Variants in ADGRF4 observed in about 807,000 individuals in gnomAD.
ADGRF4 encodes the protein adhesion G protein-coupled receptor F4.
In ADGRF4, 63 loss-of-function variants were observed where a neutral mutation model predicts 58.5. The observed-to-expected ratio is 1.08, with a 90% CI of 0.88 to 1.33. The LOEUF (loss-of-function observed/expected upper bound fraction) is 1.33. Among genes scored for constraint, ADGRF4 ranks in the 40% most tolerant of loss-of-function variants. ADGRF4 has a pLI of 0.00. For missense variants in ADGRF4, 931 were observed against 843.9 expected (o/e 1.10, Z -1.28); for synonymous variants, 313 against 295.4 (o/e 1.06, Z -0.61).
intron 9 of ADGRF4, among the ~76,000 whole-genome samples, chr6:47,720,177 G>A (rs989951908): frequency 6.6e-6 from 1 of 152,136 alleles, no homozygotes; most frequent in African/African-American, 2.4e-5. Context: ...CCAGAGTGGA[G>A]GGTGGCAGCA....
At chr6:47,708,157 C>T in intron 2 of ADGRF4, 67 bp from the exon 3 acceptor site, 1 of 1,180,856 alleles carries the variant, frequency 8.5e-7, no homozygotes, top group Non-Finnish European at 1.3e-6. Flanking sequence ...CATATGGAGC[C>T]TCTAAGCTGA....
In ADGRF4 at chr6:47,715,625, C is replaced by A. The variant is rs891866348; in HGVS notation, c.1932+448C>A. The A allele has an allele frequency of 3.9e-5, 6 of 155,546 alleles. 1 individual carries two copies. Among genetic ancestry groups the A allele is most frequent in the Admixed American group, 2.5e-4 (4 of 16,062 alleles). The allele number at this position is 155,546 out of a possible 1,614,324, so 9.6% of individuals were successfully genotyped here. ...TGTTAGCCAGTCAGGAGTTCTCATA[C>A]CTCTTTCCTGCTAGTCCCTGTGAAA... On this transcript the variant is annotated intron_variant, in intron 6 of 9. Coordinates refer to ENST00000283303, the MANE Select transcript of ADGRF4 (RefSeq NM_153838.5).
Position 47,712,404 on chromosome 6 carries a change from T to C in ADGRF4, c.348T>C (p.Pro116=). 1.2e-6 allele frequency: 2 copies of C among 1,613,902 alleles called. No homozygotes were observed. The highest frequency in any genetic ancestry group is 1.7e-6 in the Non-Finnish European group (2 of 1,179,782). ...SRLSVAAPSI[P]LHILDFRAPE... ...TTTCTGTAGCAGCACCATCTATACC[T>C]CTGCATATTCTAGACTTTCGAGCTC... Residue 116 remains proline (P), a synonymous_variant, in exon 5 of 10, where the codon CCT becomes CCC. Transcript: ENST00000283303.
chr6:47,707,260 C>T lies in ADGRF4; in HGVS notation c.15C>T (p.Ser5=). Residue 5 remains serine (S), a synonymous_variant, in exon 2 of 10, where the codon TCC becomes TCT. Transcript: ENST00000283303. ...GATCCTCATGTATGAAAATGAAGTC[C>T]CAGGCAACCATGATTTGCTGCTTAG... MKMK[S]QATMICCLVF... is the part of the protein sequence containing the mutation. 6.2e-7 allele frequency: 1 copy of T among 1,611,672 alleles called. No homozygotes were observed. Among genetic ancestry groups the T allele is most frequent in the Non-Finnish European group, 8.5e-7 (1 of 1,177,872 alleles).
intron 4 of ADGRF4, 140 bp from the exon 5 acceptor site, chr6:47,712,217 C>A (rs111331331): frequency 2.7e-5 from 19 of 713,190 alleles, no homozygotes; most frequent in African/African-American, 1.6e-4. Context: ...GTCTCCACCC[C>A]CCTCTGCATC....
chr6:47,704,202 C>T (rs893197046), intron 1 of ADGRF4, among the ~76,000 whole-genome samples: 1 of 151,998 alleles, frequency 6.6e-6, no homozygotes, highest in Admixed American at 6.6e-5. Flanking sequence ...CACCACCATG[C>T]CTCGCTAATT....
intron 6 of ADGRF4, among the ~76,000 whole-genome samples, chr6:47,716,499 G>T (rs1171177157): frequency 6.6e-6 from 1 of 152,164 alleles, no homozygotes; most frequent in Non-Finnish European, 1.5e-5. Flanking sequence ...AGTAGAAACA[G>T]CTACCTCAAT....
intron 6 of ADGRF4, 97 bp from the exon 7 acceptor site, chr6:47,716,709 A>C (rs917418857): frequency 4.9e-5 from 43 of 881,926 alleles, no homozygotes; most frequent in Admixed American, 4.3e-5. Context: ...ATGTCCAATA[A>C]CTGCCCTAGG....
intron 1 of ADGRF4, among the ~76,000 whole-genome samples, chr6:47,705,552 A>T (rs1354400951): frequency 5.9e-5 from 9 of 151,978 alleles, no homozygotes; most frequent in African/African-American, 1.9e-4. Context: ...GTAAATAAAC[A>T]CACCTTCCCC....
At chr6:47,700,450 G>T (rs187377117) in intron 1 of ADGRF4, among the ~76,000 whole-genome samples, 1 of 152,158 alleles carries the variant, frequency 6.6e-6, no homozygotes, top group Admixed American at 6.5e-5. Flanking sequence ...TCTGCTCCAG[G>T]TACAAGCAAG....
intron 9 of ADGRF4, among the ~76,000 whole-genome samples, chr6:47,720,100 A>G (rs562578348): frequency 1.3e-5 from 2 of 152,290 alleles, no homozygotes; most frequent in South Asian, 4.1e-4. Context: ...ATGGTAGACC[A>G]TGTTGGGGAC....
In ADGRF4 at chr6:47,714,388, C is replaced by G; in HGVS notation, c.1143C>G (p.Thr381=). 1 of 1,614,092 alleles carries G rather than the reference C, an allele frequency of 6.2e-7. No homozygotes were observed. The highest frequency in any genetic ancestry group is 8.5e-7 in the Non-Finnish European group (1 of 1,180,022). ...AAGTGAAATGCCGCTGTAACTACAC[C>G]AGTGTGGTGATGTCTTTTTCCATTC... ...RNEVKCRCNY[T]SVVMSFSILM... Residue 381 remains threonine (T), a synonymous_variant, in exon 6 of 10, where the codon ACC becomes ACG. Coordinates refer to ENST00000283303, the MANE Select transcript of ADGRF4 (RefSeq NM_153838.5).
chr6:47,704,829 T>C (rs999372037), intron 1 of ADGRF4, among the ~76,000 whole-genome samples: 2 of 152,208 alleles, frequency 1.3e-5, no homozygotes, highest in Non-Finnish European at 2.9e-5. Flanking sequence ...TTTGGTTTTA[T>C]GTATAGACAC....
chr6:47,707,058 T>G (rs1227266475), intron 1 of ADGRF4, among the ~76,000 whole-genome samples, 172 bp from the exon 2 acceptor site: 2 of 152,222 alleles, frequency 1.3e-5, no homozygotes, highest in East Asian at 1.9e-4. Context: ...CTTTCGTACA[T>G]TTTAGCTGGC....
intron 2 of ADGRF4, among the ~76,000 whole-genome samples, chr6:47,707,923 C>T (rs1771759018): frequency 6.6e-6 from 1 of 152,148 alleles, no homozygotes; most frequent in African/African-American, 2.4e-5. Flanking sequence ...TAATTCTCAT[C>T]TCTGTGTTCT....
intron 9 of ADGRF4, among the ~76,000 whole-genome samples, chr6:47,718,785 A>G (rs1335807583): frequency 6.6e-6 from 1 of 152,232 alleles, no homozygotes; most frequent in African/African-American, 2.4e-5. Context: ...TTGGAATTAC[A>G]AAGCAACAGG....
At chr6:47,705,461 A>G (rs1266978013) in intron 1 of ADGRF4, among the ~76,000 whole-genome samples, 1 of 152,148 alleles carries the variant, frequency 6.6e-6, no homozygotes, top group Non-Finnish European at 1.5e-5. Flanking sequence ...CCCAGCTCCT[A>G]TCAAATCTAT....
At chr6:47,718,836 AGG>A in intron 9 of ADGRF4, among the ~76,000 whole-genome samples, 1 of 152,330 alleles carries the variant, frequency 6.6e-6, no homozygotes, top group East Asian at 1.9e-4. Context: ...ATCATTCCTA[AGG>A]GGGTATGGGT....
intron 9 of ADGRF4, 85 bp downstream of exon 9, chr6:47,718,530 T>A: frequency 2.5e-6 from 2 of 801,542 alleles, no homozygotes; most frequent in Non-Finnish European, 4.5e-6. Flanking sequence ...TATTGCCTGC[T>A]ACGTGCTGCC....
Sources: gnomAD v4.1 joint callset for allele counts (sites outside exome capture counted in the v4.1 genomes callset) on GRCh38, gnomAD v4.1.1 for gene constraint, MANE v1.5 for transcripts, NCBI Gene and HGNC (gene_info 2026-07-23, HGNC 2026-07-21) for gene names.